EPHA4: variants seen among roughly 807,000 people sequenced by gnomAD.
EPHA4 encodes the protein ephrin type-A receptor 4.
A neutral mutation model predicts 108.3 loss-of-function variants in EPHA4; 19 were observed. That is an observed-to-expected ratio of 0.18 (90% confidence interval 0.12 to 0.26). EPHA4 has a LOEUF of 0.26. EPHA4 is among the 10% of genes least tolerant of loss of function. The pLI is 1.00. For synonymous variants in EPHA4, 449 were observed against 455.5 expected (o/e 0.99, Z 0.18); for missense variants, 917 against 1,254.0 (o/e 0.73, Z 4.06).
intron 2 of EPHA4, among the ~76,000 whole-genome samples, chr2:221,566,855 A>G (rs1354074200): frequency 5.3e-5 from 3 of 56,122 alleles, no homozygotes; most frequent in East Asian, 1.4e-3. Context: ...AAGGAGAAGG[A>G]GAAGAAGAAG....
At chr2:221,509,451 C>T (rs568850304) in intron 3 of EPHA4, among the ~76,000 whole-genome samples, 4 of 152,316 alleles carry the variant, frequency 2.6e-5, no homozygotes, top group Admixed American at 2.6e-4. Flanking sequence ...AAGTTTATTT[C>T]ATTCATACAA....
Position 221,571,808 on chromosome 2 carries a change from G to A in EPHA4, c.91+350C>T, listed in dbSNP as rs1011093921. Among the ~76,000 whole-genome samples, 1 of 152,224 alleles carries A rather than the reference G, an allele frequency of 6.6e-6. No homozygotes were observed. Among genetic ancestry groups the A allele is most frequent in the Non-Finnish European group, 1.5e-5 (1 of 68,032 alleles). Reference sequence around the variant, plus strand: ...TTCCCCTCGCCCCGGGCTGGCTCAGGAGAGGACGTGGTTCTTGTAATTTTT... The same window carrying A: ...TTCCCCTCGCCCCGGGCTGGCTCAGAAGAGGACGTGGTTCTTGTAATTTTT... On this transcript the variant is annotated intron_variant, in intron 1 of 17. Coordinates refer to ENST00000281821, the MANE Select transcript of EPHA4 (RefSeq NM_004438.5). The surrounding 1 kb of genome is among the most constrained non-coding windows in gnomAD (Gnocchi z 6.3).
chr2:221,482,649 C>T lies in EPHA4; in HGVS notation c.1021G>A (p.Glu341Lys), dbSNP rs1267892853. 3.1e-6 allele frequency: 5 copies of T among 1,601,980 alleles called. No homozygotes were observed. Among genetic ancestry groups the T allele is most frequent in the African/African-American group, 2.7e-5 (2 of 74,722 alleles). Residue 341 changes from glutamate to lysine, a missense_variant, in exon 5 of 18, where the codon GAG becomes AAG. Glu to Lys is a moderately conservative substitution (Grantham distance 56, BLOSUM62 1). Transcript: ENST00000281821. ...APLNLISNVN[E>K]TSVNLEWSSP... The stretch of plus-strand genomic sequence containing the variant: ...CTCCATTCCAAGTTCACAGATGTCT[C>T]GTTGACATTTGAAATCAAGTTCAGG...
chr2:221,514,763 A>G (rs1287309256), intron 3 of EPHA4, among the ~76,000 whole-genome samples: 1 of 152,164 alleles, frequency 6.6e-6, no homozygotes, highest in Non-Finnish European at 1.5e-5. Context: ...TGAAAAATTG[A>G]TATTAATCAT....
chr2:221,502,703 G>A (rs1000929470), intron 3 of EPHA4: 21 of 412,342 alleles, frequency 5.1e-5, no homozygotes, highest in Non-Finnish European at 9.0e-5. Flanking sequence ...GTAATGGCAA[G>A]CGGAAAGGGA....
At chr2:221,570,223 G>T (rs1694785595) in intron 1 of EPHA4, among the ~76,000 whole-genome samples, 1 of 152,046 alleles carries the variant, frequency 6.6e-6, no homozygotes, top group Non-Finnish European at 1.5e-5. Flanking sequence ...AGGGGGAGGT[G>T]GGGGAGGGGA....
At chr2:221,561,624 C>T (rs533576734) in intron 3 of EPHA4, among the ~76,000 whole-genome samples, 3 of 152,216 alleles carry the variant, frequency 2.0e-5, no homozygotes, top group Non-Finnish European at 4.4e-5. Flanking sequence ...ACGTGATTAA[C>T]TGGATCCCCC....
intron 4 of EPHA4, among the ~76,000 whole-genome samples, chr2:221,493,024 G>A (rs898779183): frequency 6.6e-6 from 1 of 152,128 alleles, no homozygotes; most frequent in African/African-American, 2.4e-5. Flanking sequence ...ATGATAAAAT[G>A]GCTAGAGATC....
In EPHA4 at chr2:221,425,623, T is replaced by C. The variant is rs1471515872; in HGVS notation, c.*405A>G. 6.0e-6 allele frequency: 1 copy of C among 167,238 alleles called. No homozygotes were observed. 10.4% of individuals were successfully genotyped at this position (167,238 alleles called of 1,614,324 possible). Reference sequence around the variant, plus strand: ...GGTCTTCATTCCAGTGAAAGACAGATGACTGTAATTTATGCCACAAACAAA... The same window carrying C: ...GGTCTTCATTCCAGTGAAAGACAGACGACTGTAATTTATGCCACAAACAAA... On this transcript the variant is annotated 3_prime_UTR_variant, in exon 17 of 18. Transcript: ENST00000281821.
chr2:221,539,324 G>T (rs1693762100), intron 3 of EPHA4, among the ~76,000 whole-genome samples: 2 of 152,180 alleles, frequency 1.3e-5, no homozygotes, highest in African/African-American at 2.4e-5. Flanking sequence ...AAGTCAAATA[G>T]CTAATAAATG....
chr2:221,520,519 C>T (rs1693130924), intron 3 of EPHA4, among the ~76,000 whole-genome samples: 1 of 94,824 alleles, frequency 1.1e-5, no homozygotes, highest in Non-Finnish European at 2.0e-5. Flanking sequence ...CACACACACA[C>T]ACACACACAC....
intron 5 of EPHA4, among the ~76,000 whole-genome samples, chr2:221,470,954 T>A (rs1188179825): frequency 6.6e-6 from 1 of 152,168 alleles, no homozygotes; most frequent in African/African-American, 2.4e-5. Context: ...CTTGGAAATC[T>A]GTAACCCTAG....
At chr2:221,520,765 C>T (rs760778699) in intron 3 of EPHA4, among the ~76,000 whole-genome samples, 4 of 152,074 alleles carry the variant, frequency 2.6e-5, no homozygotes, top group South Asian at 2.1e-4. Flanking sequence ...GAGCTGGTGA[C>T]GCTGAACAAA....
At chr2:221,574,170 C>T (rs1057352878), upstream of EPHA4, 2 of 152,156 alleles carry the variant, frequency 1.3e-5, no homozygotes, top group African/African-American at 4.8e-5. Context: ...ATGACATGAG[C>T]AACTTTTACT....
chr2:221,542,612 A>T (rs1020359719), intron 3 of EPHA4, among the ~76,000 whole-genome samples: 4 of 152,346 alleles, frequency 2.6e-5, no homozygotes, highest in Admixed American at 2.6e-4. Flanking sequence ...ATTATATAAA[A>T]ACAATCAGCC....
chr2:221,494,108 A>G (rs1223808455), intron 4 of EPHA4, among the ~76,000 whole-genome samples: 2 of 152,222 alleles, frequency 1.3e-5, no homozygotes, highest in East Asian at 3.8e-4. Context: ...TTCATCAAAC[A>G]AGTTAAATAA....
At position 221,501,111 on chromosome 2, in the gene EPHA4, G is replaced by C; in HGVS notation, c.885C>G (p.Pro295=). ...CTCCTTCCCAGACAGAGTAGCTGTG[G>C]GGTGGGCACTTGGCACAGGTGGCAT... ...STDATCAKCP[P]HSYSVWEGAT... Residue 295 remains proline (P), a synonymous_variant, in exon 4 of 18, where the codon CCC becomes CCG. Coordinates refer to ENST00000281821, the MANE Select transcript of EPHA4 (RefSeq NM_004438.5). 2 of 1,613,456 alleles carry C rather than the reference G, an allele frequency of 1.2e-6. No homozygotes were observed. The highest frequency in any genetic ancestry group is 1.7e-6 in the Non-Finnish European group (2 of 1,179,650).
intron 4 of EPHA4, among the ~76,000 whole-genome samples, chr2:221,484,544 G>A (rs1218514802): frequency 6.6e-6 from 1 of 152,102 alleles, no homozygotes; most frequent in East Asian, 1.9e-4. Context: ...TCCTCAGAGA[G>A]AAAATACAAA....
intron 3 of EPHA4, among the ~76,000 whole-genome samples, chr2:221,513,765 T>C (rs1035950374): frequency 6.6e-6 from 1 of 152,234 alleles, no homozygotes. Context: ...GTATTGCATG[T>C]AGTGGACTAA....
Sources: gnomAD v4.1 joint callset for allele counts (sites outside exome capture counted in the v4.1 genomes callset) on GRCh38, gnomAD v4.1.1 for gene constraint, Gnocchi (gnomAD v3.1) non-coding constraint, MANE v1.5 for transcripts, NCBI Gene and HGNC (gene_info 2026-07-23, HGNC 2026-07-21) for gene names.